The following ACACA variants were observed in gnomAD, a reference collection of about 807,000 sequenced individuals.
ACACA encodes the protein acetyl-CoA carboxylase alpha, also known as acetyl-CoA carboxylase 1.
Under a neutral mutation model 296.1 loss-of-function variants are expected in ACACA, and 103 were observed. The observed-to-expected ratio is 0.35, with a 90% confidence interval of 0.30 to 0.41. The LOEUF (loss-of-function observed/expected upper bound fraction) is 0.41, where lower values mean the gene tolerates loss of function less well. Ranked by LOEUF, ACACA falls within the 10% of genes least tolerant of loss-of-function variation. ACACA has a pLI of 1.00. For missense variants in ACACA, 1,554 were observed against 2,989.7 expected (o/e 0.52, Z 11.20); for synonymous variants, 953 against 1,038.6 (o/e 0.92, Z 1.58).
intron 1 of ACACA, chr17:37,388,794 T>C (rs370782155): frequency 6.2e-7 from 1 of 1,613,144 alleles, no homozygotes. Context: ...TCCCATGTCC[T>C]GTAAGTTTGC....
At chr17:37,379,080 C>A in intron 1 of ACACA, 2 of 1,545,522 alleles carry the variant, frequency 1.3e-6, no homozygotes, top group Non-Finnish European at 8.7e-7. Flanking sequence ...TCAAAAAAAC[C>A]AACCAAACAA....
At chr17:37,318,610 T>A (rs1426393599) in intron 3 of ACACA, among the ~76,000 whole-genome samples, 1 of 152,188 alleles carries the variant, frequency 6.6e-6, no homozygotes, top group Non-Finnish European at 1.5e-5. Context: ...TTTGCCATCA[T>A]CAAAAGGCTT....
chr17:37,090,680 G>C (rs1188343906), intron 54 of ACACA, among the ~76,000 whole-genome samples: 4 of 152,172 alleles, frequency 2.6e-5, no homozygotes, highest in Admixed American at 2.0e-4. Flanking sequence ...AGGTAGCACT[G>C]CTTTTCCCAT....
At chr17:37,345,875 TC>T (rs1184347917) in intron 1 of ACACA, among the ~76,000 whole-genome samples, 2 of 152,104 alleles carry the variant, frequency 1.3e-5, no homozygotes, top group Non-Finnish European at 2.9e-5. Context: ...CAATGTGGTA[TC>T]CTACATTAAA....
intron 27 of ACACA, among the ~76,000 whole-genome samples, chr17:37,224,680 A>G (rs1402972665): frequency 2.6e-5 from 4 of 152,020 alleles, no homozygotes; most frequent in African/African-American, 9.7e-5. Flanking sequence ...TCAGAAATCA[A>G]CCAGCCTTGT....
intron 9 of ACACA, among the ~76,000 whole-genome samples, chr17:37,272,346 A>C (rs2082106679): frequency 1.3e-5 from 2 of 152,196 alleles, no homozygotes; most frequent in African/African-American, 4.8e-5. Context: ...CCAACCCAAA[A>C]AAATAAAATA....
chr17:37,235,901 C>T (rs2080089097), intron 24 of ACACA, among the ~76,000 whole-genome samples: 1 of 152,158 alleles, frequency 6.6e-6, no homozygotes, highest in South Asian at 2.1e-4. Context: ...ACAACAGAAG[C>T]ATAAGCCTCT....
intron 1 of ACACA, among the ~76,000 whole-genome samples, chr17:37,391,450 C>T (rs2050881170): frequency 6.6e-6 from 1 of 152,058 alleles, no homozygotes; most frequent in African/African-American, 2.4e-5. Flanking sequence ...GTTATAGGTT[C>T]CAAGCAATTA....
At chr17:37,173,508 T>C (rs1191792505) in intron 41 of ACACA, among the ~76,000 whole-genome samples, 2 of 152,164 alleles carry the variant, frequency 1.3e-5, no homozygotes, top group Non-Finnish European at 2.9e-5. Flanking sequence ...CAAAGGATTA[T>C]AGTAACATGT....
intron 45 of ACACA, among the ~76,000 whole-genome samples, chr17:37,131,542 C>T (rs572525884): frequency 1.4e-4 from 21 of 152,194 alleles, no homozygotes; most frequent in African/African-American, 4.6e-4. Flanking sequence ...TTCTTCCGTA[C>T]GTGTATTCAT....
intron 39 of ACACA, among the ~76,000 whole-genome samples, chr17:37,181,986 C>A (rs1235157655): frequency 6.7e-6 from 1 of 150,138 alleles, no homozygotes; most frequent in Non-Finnish European, 1.5e-5. Flanking sequence ...ACTGACCATG[C>A]TAGCCATCTA....
At chr17:37,366,562 G>A (rs531987893) in intron 1 of ACACA, among the ~76,000 whole-genome samples, 10 of 150,298 alleles carry the variant, frequency 6.7e-5, no homozygotes, top group South Asian at 2.1e-4. Context: ...TCTGCCTCCC[G>A]GGTTCAAGCA....
chr17:37,320,687 C>A (rs1293658251), intron 3 of ACACA, among the ~76,000 whole-genome samples: 1 of 152,066 alleles, frequency 6.6e-6, no homozygotes, highest in Admixed American at 6.6e-5. Flanking sequence ...TGGCTCCTGC[C>A]TGTAATCCCA....
intron 1 of ACACA, among the ~76,000 whole-genome samples, chr17:37,395,158 A>G (rs1276316208): frequency 6.6e-6 from 1 of 152,026 alleles, no homozygotes; most frequent in Admixed American, 6.6e-5. Flanking sequence ...GGCTGGGTGC[A>G]GTGGCTCATG....
At chr17:37,160,905 A>C (rs1053296775) in intron 42 of ACACA, among the ~76,000 whole-genome samples, 12 of 152,144 alleles carry the variant, frequency 7.9e-5, no homozygotes, top group African/African-American at 2.9e-4. Flanking sequence ...AGAGAGAGGA[A>C]GCTGGAAAGA....
At chr17:37,122,509 C>T (rs2074575778) in intron 49 of ACACA, 22 bp downstream of exon 49, 1 of 1,593,452 alleles carries the variant, frequency 6.3e-7, no homozygotes, top group South Asian at 1.1e-5. Context: ...GCACAGCCCC[C>T]AGTGTACTTG....
chr17:37,190,029 G>GA (rs34390024), intron 38 of ACACA, among the ~76,000 whole-genome samples: 23,724 of 133,324 alleles, frequency 0.18, 2,520 homozygotes, highest in Admixed American at 0.35. Context: ...AAAAGAAAAA[G>GA]AAAAAAAAAA....
intron 18 of ACACA, 48 bp downstream of exon 18, chr17:37,247,963 A>G: frequency 6.2e-7 from 1 of 1,611,732 alleles, no homozygotes; most frequent in Non-Finnish European, 8.5e-7. Context: ...CTAATAAGAG[A>G]AAAGGCTAAC....
intron 3 of ACACA, among the ~76,000 whole-genome samples, chr17:37,286,133 G>C (rs747261527): frequency 4.6e-5 from 7 of 152,046 alleles, no homozygotes; most frequent in Non-Finnish European, 7.4e-5. Flanking sequence ...CAGGTGATCC[G>C]CCCACCTCGG....
Sources: allele counts gnomAD v4.1 joint callset (sites outside exome capture counted in the v4.1 genomes callset), GRCh38; gene constraint gnomAD v4.1.1; transcripts MANE v1.5; gene names NCBI Gene and HGNC (gene_info 2026-07-23, HGNC 2026-07-21).